Variants in BPIFB2 observed in about 807,000 individuals in gnomAD.
BPIFB2 encodes BPI fold containing family B member 2.
BPIFB2 carries 39 observed loss-of-function variants against 50.1 expected under a neutral mutation model. The ratio of observed to expected loss-of-function variants is 0.78; its 90% CI spans 0.60 to 1.02. BPIFB2 has a LOEUF of 1.02. Among genes scored for constraint, BPIFB2 ranks in the 50% least tolerant of loss-of-function variants. The pLI, the probability that BPIFB2 is intolerant of heterozygous loss-of-function variation, is 0.00. For synonymous variants in BPIFB2, 280 were observed against 256.3 expected (o/e 1.09, Z -0.88); for missense variants, 574 against 585.8 (o/e 0.98, Z 0.21).
In BPIFB2 at chr20:33,015,370, C is replaced by A. The variant is rs1487028566; in HGVS notation, c.456-66C>A. 4.1e-6 allele frequency: 6 copies of A among 1,447,882 alleles called. No individual in the cohort carries two copies. The South Asian group carries it at 6.0e-5, about 15-fold the overall frequency. The allele number at this position is 1,447,882 out of a possible 1,614,324, so 89.7% of individuals were successfully genotyped here. On this transcript the variant is annotated intron_variant, in intron 5 of 15. Transcript: ENST00000170150. ...GAGACTTCTCTTCCCAGACGTGCGA[C>A]TGTGCTGAGTGACGGGACTTAATAT...
chr20:33,018,653 TGG>T lies in BPIFB2; in HGVS notation c.688_689del (p.Gly230GlnfsTer35), dbSNP rs918899281. On this transcript the variant is annotated frameshift_variant, in exon 9 of 16. Transcript: ENST00000170150. LOFTEE classifies it high-confidence loss of function. ...CCCCTACAGGCTGTTCTCTTCCTGC[TGG>T]GCAAGCCCATCATCCTGCCCACGGA... is the stretch of plus-strand genomic sequence containing the variant. 3.7e-6 allele frequency: 6 copies of T among 1,613,072 alleles called. No individual in the cohort carries two copies. Among genetic ancestry groups the T allele is most frequent in the Non-Finnish European group, 5.1e-6 (6 of 1,179,512 alleles).
Position 33,018,361 on chromosome 20 carries a change from C to T in BPIFB2, c.669+11C>T. ...TCCCTGGAAGTCAATGTAAGTGCCTCCTGGCCAGCCCAGAGCTGGGGGCTT... is the reference window on the plus strand; with the variant it reads ...TCCCTGGAAGTCAATGTAAGTGCCTTCTGGCCAGCCCAGAGCTGGGGGCTT... On this transcript the variant is annotated intron_variant, in intron 8 of 15. Transcript: ENST00000170150. 6.2e-7 allele frequency: 1 copy of T among 1,601,112 alleles called. No homozygotes were observed. Among genetic ancestry groups the T allele is most frequent in the Non-Finnish European group, 8.6e-7 (1 of 1,168,504 alleles).
Position 33,015,481 on chromosome 20 carries a change from T to C in BPIFB2, c.501T>C (p.Ala167=), listed in dbSNP as rs1257437162. 6.2e-7 allele frequency: 1 copy of C among 1,612,910 alleles called. No homozygotes were observed. Among genetic ancestry groups the C allele is most frequent in the Non-Finnish European group, 8.5e-7 (1 of 1,179,392 alleles). The change falls in exon 6 of 16, where the codon GCT becomes GCC. Residue 167 remains alanine, a synonymous_variant. Transcript: ENST00000170150. ...TCCTGGTGCAGAAGCACATTAAAGC[T>C]GTCTTGAGTAACAAGGTAAAGGGCT... ...LLVLVQKHIK[A]VLSNKLCLSI... is the part of the protein sequence containing the mutation.
intron 2 of BPIFB2, among the ~76,000 whole-genome samples, chr20:33,010,360 T>G (rs1193250843): frequency 2.0e-5 from 3 of 152,172 alleles, no homozygotes; most frequent in Non-Finnish European, 4.4e-5. Flanking sequence ...GATCACAACA[T>G]AAACGATTGC....
At chr20:33,020,277 G>GC (rs768891160) in intron 11 of BPIFB2, 51 bp from the exon 12 acceptor site, 1 of 1,567,146 alleles carries the variant, frequency 6.4e-7, no homozygotes, top group Non-Finnish European at 8.8e-7. Context: ...GGTGGCTGGT[G>GC]CCCCCCTCAT....
intron 8 of BPIFB2, 43 bp from the exon 9 acceptor site, chr20:33,018,594 G>A: frequency 6.4e-7 from 1 of 1,555,826 alleles, no homozygotes; most frequent in African/African-American, 1.4e-5. Context: ...TCCGTGCTGA[G>A]GCCCTGCTGC....
At position 33,009,713 on chromosome 20, in the gene BPIFB2, C is replaced by CGCCGCCTTCCTGCCCTCT. The variant is rs1555877227; in HGVS notation, c.109+1034_109+1051dup. On this transcript the variant is annotated intron_variant, in intron 2 of 15. Transcript: ENST00000170150. This position sits in a 1 kb window ranked among gnomAD's most constrained non-coding sequence, Gnocchi z 4.2. ...GTAGGGCCATGAGGCCCGCGCCCTC[C>CGCCGCCTTCCTGCCCTCT]GCCGCCTTCCTGCCCTCTGCCCATC... is the stretch of plus-strand genomic sequence containing the variant. Among the ~76,000 whole-genome samples, 1 of 152,248 alleles carries CGCCGCCTTCCTGCCCTCT rather than the reference C, an allele frequency of 6.6e-6. No individual in the cohort carries two copies. The highest frequency in any genetic ancestry group is 1.5e-5 in the Non-Finnish European group (1 of 68,048).
intron 6 of BPIFB2, among the ~76,000 whole-genome samples, chr20:33,016,341 C>T (rs1166488613): frequency 1.3e-5 from 2 of 152,136 alleles, no homozygotes; most frequent in Admixed American, 1.3e-4. Context: ...TCTGTTGGTC[C>T]AGCCTCTTCC....
chr20:33,014,623 T>C (rs1990333986), intron 5 of BPIFB2, among the ~76,000 whole-genome samples: 1 of 152,190 alleles, frequency 6.6e-6, no homozygotes, highest in Non-Finnish European at 1.5e-5. Flanking sequence ...CAAATCCCCC[T>C]AGACGATGTC....
chr20:33,018,265 A>G lies in BPIFB2; in HGVS notation c.584A>G (p.Asn195Ser). The change falls in exon 8 of 16, where the codon AAC becomes AGC. Residue 195 changes from asparagine (N) to serine (S), a missense_variant. Asn to Ser is a conservative substitution (Grantham distance 46). Coordinates refer to ENST00000170150, the MANE Select transcript of BPIFB2 (RefSeq NM_025227.3). Reference sequence around the variant, plus strand: ...CTACCCTGGTTTCATGAAGGCCTCAACCCCGTGGGTCCTGAGTCCCAGATC... The same window carrying G: ...CTACCCTGGTTTCATGAAGGCCTCAGCCCCGTGGGTCCTGAGTCCCAGATC... ...NVHLGTLIGLNPVGPESQIRY... is the reference protein window; with the variant it reads ...NVHLGTLIGLSPVGPESQIRY... 6.2e-7 allele frequency: 1 copy of G among 1,612,722 alleles called. No homozygotes were observed. Among genetic ancestry groups the G allele is most frequent in the Non-Finnish European group, 8.5e-7 (1 of 1,178,950 alleles).
intron 4 of BPIFB2, among the ~76,000 whole-genome samples, chr20:33,013,358 A>C (rs539485613): frequency 6.6e-6 from 1 of 152,310 alleles, no homozygotes; most frequent in South Asian, 2.1e-4. Context: ...CTGTGCAGTC[A>C]GAGGGGTCTC....
In BPIFB2 at chr20:33,018,369, G is replaced by C. The variant is rs377172838; in HGVS notation, c.669+19G>C. The C allele has an allele frequency of 5.0e-6, 8 of 1,591,864 alleles. No individual in the cohort carries two copies. Among genetic ancestry groups the C allele is most frequent in the Non-Finnish European group, 6.9e-6 (8 of 1,160,882 alleles). On this transcript the variant is annotated intron_variant, in intron 8 of 15. Coordinates refer to ENST00000170150, the MANE Select transcript of BPIFB2 (RefSeq NM_025227.3). Reference sequence around the variant, plus strand: ...AGTCAATGTAAGTGCCTCCTGGCCAGCCCAGAGCTGGGGGCTTGCTGCCTC... The same window carrying C: ...AGTCAATGTAAGTGCCTCCTGGCCACCCCAGAGCTGGGGGCTTGCTGCCTC...
rs888769225 is a variant in BPIFB2, at chr20:33,009,707, G to C, written c.109+1024G>C. Among the ~76,000 whole-genome samples, 1 of 152,232 alleles carries C rather than the reference G, an allele frequency of 6.6e-6. No individual in the cohort carries two copies. The highest frequency in any genetic ancestry group is 2.4e-5 in the African/African-American group (1 of 41,464). ...CTGCAGGTAGGGCCATGAGGCCCGCGCCCTCCGCCGCCTTCCTGCCCTCTG... is the reference window on the plus strand; with the variant it reads ...CTGCAGGTAGGGCCATGAGGCCCGCCCCCTCCGCCGCCTTCCTGCCCTCTG... On this transcript the variant is annotated intron_variant, in intron 2 of 15. Transcript: ENST00000170150. This position sits in a 1 kb window ranked among gnomAD's most constrained non-coding sequence, Gnocchi z 4.2.
intron 2 of BPIFB2, among the ~76,000 whole-genome samples, chr20:33,010,116 C>G (rs898935321): frequency 6.6e-5 from 10 of 152,180 alleles, no homozygotes; most frequent in Non-Finnish European, 1.3e-4. Context: ...GGCCTCTTGA[C>G]TCCTCATTTG....
At chr20:33,008,111 T>C (rs1285694595) in intron 1 of BPIFB2, among the ~76,000 whole-genome samples, 1 of 152,124 alleles carries the variant, frequency 6.6e-6, no homozygotes, top group Non-Finnish European at 1.5e-5. Flanking sequence ...CTGGCTGAAT[T>C]TGGTGGACAG....
intron 5 of BPIFB2, 53 bp downstream of exon 5, chr20:33,014,009 C>T: frequency 6.3e-7 from 1 of 1,576,058 alleles, no homozygotes; most frequent in Non-Finnish European, 8.7e-7. Context: ...CAAAGCTGTG[C>T]TGCTGTTTCC....
chr20:33,021,655 T>G, intron 14 of BPIFB2, 68 bp from the exon 15 acceptor site: 2 of 1,471,768 alleles, frequency 1.4e-6, no homozygotes, highest in South Asian at 2.3e-5. Flanking sequence ...CTCAGTGCTG[T>G]GATGCACATG....
chr20:33,022,596 T>C lies in BPIFB2; in HGVS notation c.1336-746T>C, dbSNP rs779294926. 4.6e-5 allele frequency among the ~76,000 whole-genome samples: 7 copies of C among 152,336 alleles called. No homozygotes were observed. The South Asian group carries it at 1.2e-3, about 27-fold the overall frequency. ...AGGTGAAAAGTCCCTAGTCCAGTACTGTTACCAATGGAACTTTCTGCAAGG... is the reference window on the plus strand; with the variant it reads ...AGGTGAAAAGTCCCTAGTCCAGTACCGTTACCAATGGAACTTTCTGCAAGG... On this transcript the variant is annotated intron_variant, in intron 15 of 15. Transcript: ENST00000170150.
intron 2 of BPIFB2, 32 bp from the exon 3 acceptor site, chr20:33,010,992 C>T: frequency 6.3e-7 from 1 of 1,590,592 alleles, no homozygotes; most frequent in Non-Finnish European, 8.6e-7. Context: ...TTCCCGAGGG[C>T]ACCCTGACCT....
Sources: gnomAD v4.1 joint callset for allele counts (sites outside exome capture counted in the v4.1 genomes callset) on GRCh38, gnomAD v4.1.1 for gene constraint, Gnocchi (gnomAD v3.1) non-coding constraint, MANE v1.5 for transcripts, NCBI Gene and HGNC (gene_info 2026-07-23, HGNC 2026-07-21) for gene names.